The following FBXW4 variants were observed in gnomAD, a reference collection of about 807,000 sequenced individuals.
The protein encoded by FBXW4 is F-box and WD repeat domain containing 4, also known as F-box/WD repeat-containing protein 4.
In FBXW4, 40 loss-of-function variants were observed where a neutral mutation model predicts 61.8. The observed-to-expected ratio is 0.65, with a 90% CI of 0.50 to 0.84. The LOEUF is 0.84. FBXW4 is among the 40% of genes least tolerant of loss of function. FBXW4 has a pLI of 0.00. For missense variants in FBXW4, 672 were observed against 753.8 expected, an observed-to-expected ratio of 0.89 and a Z score of 1.27; for synonymous variants, 311 against 313.8, an observed-to-expected ratio of 0.99 and a Z score of 0.10.
intron 1 of FBXW4, among the ~76,000 whole-genome samples, chr10:101,679,545 T>C (rs1160458389): frequency 1.3e-5 from 2 of 152,178 alleles, no homozygotes; most frequent in Non-Finnish European, 2.9e-5. Context: ...TAATTAGTGC[T>C]ATTGGGTTTG....
At chr10:101,624,020 A>G (rs528264021) in intron 6 of FBXW4, among the ~76,000 whole-genome samples, 15 of 152,222 alleles carry the variant, frequency 9.9e-5, no homozygotes, top group African/African-American at 3.4e-4. Context: ...CTGTACCTCA[A>G]TTGTGGTGAT....
intron 5 of FBXW4, among the ~76,000 whole-genome samples, chr10:101,646,924 C>T (rs2064104334): frequency 6.6e-6 from 1 of 152,126 alleles, no homozygotes; most frequent in Non-Finnish European, 1.5e-5. Context: ...CCAGTGGAGC[C>T]GGAGTTGGTC....
At chr10:101,693,943 A>G (rs1363160986) in intron 1 of FBXW4, among the ~76,000 whole-genome samples, 3 of 152,174 alleles carry the variant, frequency 2.0e-5, no homozygotes, top group Admixed American at 6.5e-5. Flanking sequence ...GGGAGGATGA[A>G]AGATGAAAGT....
At chr10:101,626,879 T>A (rs566362189) in intron 5 of FBXW4, 10 of 152,426 alleles carry the variant, frequency 6.6e-5, no homozygotes, top group African/African-American at 2.2e-4. Context: ...GCAACTTTAA[T>A]CCTGCTGGAG....
intron 5 of FBXW4, among the ~76,000 whole-genome samples, chr10:101,633,085 C>A (rs1010537221): frequency 6.6e-6 from 1 of 152,188 alleles, no homozygotes; most frequent in African/African-American, 2.4e-5. Flanking sequence ...TATTCAACCT[C>A]TCTACAGCCC....
At chr10:101,630,916 G>A (rs2063949657) in intron 5 of FBXW4, among the ~76,000 whole-genome samples, 1 of 152,254 alleles carries the variant, frequency 6.6e-6, no homozygotes, top group African/African-American at 2.4e-5. Flanking sequence ...CGCAGCTCCA[G>A]AAGCTGCTCG....
At chr10:101,671,327 A>G (rs772286484) in intron 4 of FBXW4, among the ~76,000 whole-genome samples, 13 of 152,216 alleles carry the variant, frequency 8.5e-5, no homozygotes, top group Non-Finnish European at 1.9e-4. Flanking sequence ...GACCTAAAAG[A>G]AATCCTCAGA....
intron 4 of FBXW4, 131 bp downstream of exon 4, chr10:101,672,784 G>A: frequency 1.9e-6 from 2 of 1,056,706 alleles, no homozygotes; most frequent in Non-Finnish European, 2.7e-6. Flanking sequence ...ACATAAGTGA[G>A]TCCTTTATTG....
chr10:101,690,228 C>T (rs1254912746), intron 1 of FBXW4, among the ~76,000 whole-genome samples: 1 of 152,214 alleles, frequency 6.6e-6, no homozygotes, highest in Admixed American at 6.5e-5. Context: ...CTACTTCTTG[C>T]ATTCAGTCTA....
intron 6 of FBXW4, among the ~76,000 whole-genome samples, chr10:101,618,932 G>C (rs992251197): frequency 6.6e-6 from 1 of 152,114 alleles, no homozygotes; most frequent in African/African-American, 2.4e-5. Context: ...CATGGAGGAA[G>C]GGGGTATTTG....
intron 1 of FBXW4, among the ~76,000 whole-genome samples, chr10:101,683,826 A>G (rs2064503996): frequency 6.6e-6 from 1 of 152,164 alleles, no homozygotes; most frequent in African/African-American, 2.4e-5. Flanking sequence ...TAAGCATAAC[A>G]TCCTGCTGAT....
chr10:101,624,373 C>T (rs1211210264), intron 6 of FBXW4, among the ~76,000 whole-genome samples: 2 of 151,762 alleles, frequency 1.3e-5, no homozygotes, highest in Non-Finnish European at 2.9e-5. Flanking sequence ...TTTCACTGTT[C>T]TGTATAATTC....
intron 5 of FBXW4, among the ~76,000 whole-genome samples, chr10:101,657,639 CAAA>C (rs35721394): frequency 1.8e-5 from 1 of 56,134 alleles, no homozygotes; most frequent in Non-Finnish European, 3.0e-5. Flanking sequence ...GACTCTGTCT[CAAA>C]AAAAAAAAAA....
chr10:101,683,451 A>G (rs2064500477), intron 1 of FBXW4, among the ~76,000 whole-genome samples: 1 of 152,052 alleles, frequency 6.6e-6, no homozygotes, highest in Admixed American at 6.5e-5. Flanking sequence ...TGGGCATATG[A>G]CCTATTTTAA....
chr10:101,645,402 C>T (rs1432095096), intron 5 of FBXW4, among the ~76,000 whole-genome samples: 1 of 152,220 alleles, frequency 6.6e-6, no homozygotes, highest in African/African-American at 2.4e-5. Flanking sequence ...TGGATTCTGT[C>T]TTCCCATCTT....
At position 101,695,101 on chromosome 10, in the gene FBXW4, C is replaced by A. The variant is rs2064662883; in HGVS notation, c.5G>T (p.Gly2Val). 2 of 986,178 alleles carry A rather than the reference C, an allele frequency of 2.0e-6. No homozygotes were observed. Among genetic ancestry groups the A allele is most frequent in the South Asian group, 9.4e-5 (2 of 21,330 alleles). The allele number at this position is 986,178 out of a possible 1,614,324, so 61.1% of individuals were successfully genotyped here. M[G>V]SQGRSGPPGN... ...GGGGGGCCCCGAGCGGCCCTGGCTG[C>A]CCATGAGCGGCCGCGGGGCCGGCCC... The change falls in exon 1 of 9, where the codon GGC (glycine) becomes GTC (valine). Residue 2 changes from glycine to valine, a missense_variant. Physicochemically the swap from Gly to Val is moderately radical, Grantham distance 109. Coordinates refer to ENST00000331272, the MANE Select transcript of FBXW4 (RefSeq NM_022039.4). The surrounding 1 kb of genome is among the most constrained non-coding windows in gnomAD (Gnocchi z 4.2).
chr10:101,622,727 C>CAAAAAAAA (rs61319559), intron 6 of FBXW4: 7 of 48,354 alleles, frequency 1.4e-4, no homozygotes, highest in Admixed American at 4.8e-4. Flanking sequence ...GACTTCATCT[C>CAAAAAAAA]AAAAAAAAAA....
At chr10:101,614,352 G>A (rs894628659) in intron 6 of FBXW4, among the ~76,000 whole-genome samples, 1 of 152,216 alleles carries the variant, frequency 6.6e-6, no homozygotes, top group African/African-American at 2.4e-5. Context: ...GGGTTCAGAG[G>A]GAAGGAGAGC....
rs886046647 is a variant in FBXW4, at chr10:101,694,914, C to T, written c.192G>A (p.Thr64=). 1.5e-4 allele frequency: 189 copies of T among 1,224,936 alleles called. 3 individuals are homozygous for T. The highest frequency in any genetic ancestry group is 4.3e-5 in the Admixed American group (1 of 23,074). The allele number at this position is 1,224,936 out of a possible 1,614,324, so 75.9% of individuals were successfully genotyped here. Residue 64 remains threonine, a synonymous_variant, in exon 1 of 9, where the codon ACG becomes ACA. Coordinates refer to ENST00000331272, the MANE Select transcript of FBXW4 (RefSeq NM_022039.4). This position sits in a 1 kb window ranked among gnomAD's most constrained non-coding sequence, Gnocchi z 6.0. ...SGAEGKPGPQ[T]AKEAAGPGAD... is the part of the protein sequence containing the mutation. Reference sequence around the variant, plus strand: ...CCCCCGGCCCGGCTGCCTCCTTCGCCGTCTGCGGCCCGGGCTTCCCTTCCG... The same window carrying T: ...CCCCCGGCCCGGCTGCCTCCTTCGCTGTCTGCGGCCCGGGCTTCCCTTCCG...
Sources: allele counts gnomAD v4.1 joint callset (sites outside exome capture counted in the v4.1 genomes callset), GRCh38; gene constraint gnomAD v4.1.1; non-coding constraint Gnocchi (gnomAD v3.1); transcripts MANE v1.5; gene names NCBI Gene and HGNC (gene_info 2026-07-23, HGNC 2026-07-21).